STK39: variants seen among roughly 807,000 people sequenced by gnomAD.
The protein encoded by STK39 is STE20/SPS1-related proline-alanine-rich protein kinase.
A neutral mutation model predicts 77.8 loss-of-function variants in STK39; 20 were observed. That is an observed-to-expected ratio of 0.26 (90% CI 0.18 to 0.37). STK39 has a LOEUF of 0.37. Among genes scored for constraint, STK39 ranks in the 10% least tolerant of loss-of-function variants. The pLI is 1.00. For synonymous variants in STK39, 246 were observed against 234.1 expected (o/e 1.05, Z -0.47); for missense variants, 479 against 656.5 (o/e 0.73, Z 2.95).
chr2:168,245,610 C>T (rs764267859), intron 1 of STK39, among the ~76,000 whole-genome samples: 1 of 152,170 alleles, frequency 6.6e-6, no homozygotes, highest in Admixed American at 6.5e-5. Context: ...GAGGGAAGAG[C>T]CTCTGCAAGG....
chr2:167,986,677 A>T (rs889079339), intron 16 of STK39, among the ~76,000 whole-genome samples: 1 of 152,198 alleles, frequency 6.6e-6, no homozygotes, highest in Non-Finnish European at 1.5e-5. Context: ...TAAAAAACAG[A>T]AGGAGACAAA....
chr2:168,237,185 G>C (rs867540640), intron 1 of STK39, among the ~76,000 whole-genome samples: 8 of 152,236 alleles, frequency 5.3e-5, no homozygotes, highest in East Asian at 1.9e-4. Flanking sequence ...GGATTCCTAG[G>C]TATTTTATTC....
At chr2:168,142,315 C>G (rs926651727) in intron 5 of STK39, among the ~76,000 whole-genome samples, 3 of 152,112 alleles carry the variant, frequency 2.0e-5, no homozygotes, top group Non-Finnish European at 1.5e-5. Context: ...TTGAAAGCTA[C>G]TAATTTCAAC....
intron 1 of STK39, among the ~76,000 whole-genome samples, chr2:168,219,711 C>T (rs1690115127): frequency 6.6e-6 from 1 of 152,136 alleles, no homozygotes; most frequent in Non-Finnish European, 1.5e-5. Context: ...TCAGTGTTGT[C>T]TAATGGTCCA....
intron 10 of STK39, among the ~76,000 whole-genome samples, chr2:168,123,420 G>C (rs2105493959): frequency 6.6e-6 from 1 of 152,214 alleles, no homozygotes; most frequent in South Asian, 2.1e-4. Context: ...CTTGTTTTTA[G>C]GAAATATACA....
chr2:168,196,103 G>A (rs981374364), intron 1 of STK39, among the ~76,000 whole-genome samples: 8 of 152,212 alleles, frequency 5.3e-5, no homozygotes, highest in African/African-American at 1.4e-4. Flanking sequence ...CTGATTATGT[G>A]TAATAATTAT....
intron 1 of STK39, among the ~76,000 whole-genome samples, chr2:168,223,335 C>T (rs1196423034): frequency 6.6e-6 from 1 of 151,878 alleles, no homozygotes; most frequent in Non-Finnish European, 1.5e-5. Flanking sequence ...CATGGTGAAA[C>T]CCCGTCTTTA....
At chr2:167,967,697 G>A (rs941366463) in intron 16 of STK39, among the ~76,000 whole-genome samples, 10 of 152,126 alleles carry the variant, frequency 6.6e-5, no homozygotes, top group African/African-American at 1.4e-4. Flanking sequence ...GCAAGGCAGC[G>A]GAGCCGACAC....
chr2:167,984,730 G>T (rs1388891497), intron 16 of STK39, among the ~76,000 whole-genome samples: 2 of 152,162 alleles, frequency 1.3e-5, no homozygotes, highest in Non-Finnish European at 2.9e-5. Flanking sequence ...TAACAGTTGT[G>T]TGATTTGCTG....
At chr2:168,162,371 G>T (rs190746922) in intron 4 of STK39, among the ~76,000 whole-genome samples, 1 of 146,358 alleles carries the variant, frequency 6.8e-6, no homozygotes, top group Admixed American at 6.8e-5. Flanking sequence ...TAGGATTTTA[G>T]AAAGAAATAT....
chr2:168,190,075 A>G (rs114348754), intron 1 of STK39, among the ~76,000 whole-genome samples: 3,946 of 152,234 alleles, frequency 0.026, 108 homozygotes, highest in East Asian at 0.078. Flanking sequence ...CTCTCTACCT[A>G]CTTCATCCTA....
chr2:167,956,352 A>G (rs1459530499), intron 17 of STK39, among the ~76,000 whole-genome samples: 5 of 152,074 alleles, frequency 3.3e-5, no homozygotes, highest in Non-Finnish European at 7.4e-5. Context: ...AGGTCAGGAG[A>G]TCGAGACCAT....
At chr2:168,079,857 T>C (rs1686180637) in intron 10 of STK39, among the ~76,000 whole-genome samples, 1 of 152,232 alleles carries the variant, frequency 6.6e-6, no homozygotes, top group East Asian at 1.9e-4. Flanking sequence ...ATCTTCATAG[T>C]AGCTTGTGAG....
chr2:168,094,360 C>A (rs905489753), intron 10 of STK39, among the ~76,000 whole-genome samples: 2 of 152,108 alleles, frequency 1.3e-5, no homozygotes, highest in African/African-American at 4.8e-5. Context: ...ATATTTTTCT[C>A]CCCCTCCACA....
chr2:168,237,495 G>C (rs1231814999), intron 1 of STK39, among the ~76,000 whole-genome samples: 2 of 152,188 alleles, frequency 1.3e-5, no homozygotes, highest in Non-Finnish European at 2.9e-5. Flanking sequence ...AATAGGAGTG[G>C]TGAGAGAGTG....
intron 16 of STK39, among the ~76,000 whole-genome samples, chr2:168,001,280 A>AC (rs908798731): frequency 1.5e-4 from 23 of 151,930 alleles, no homozygotes; most frequent in African/African-American, 5.6e-4. Flanking sequence ...AAAAAAAAAA[A>AC]AAAAACAACA....
chr2:168,015,662 T>C (rs1000691426), intron 15 of STK39, among the ~76,000 whole-genome samples: 15 of 152,362 alleles, frequency 9.8e-5, no homozygotes, highest in Middle Eastern at 3.4e-3. Context: ...TGATTTTCAT[T>C]GCCATAGTCA....
chr2:168,217,652 A>G (rs188320487), intron 1 of STK39, among the ~76,000 whole-genome samples: 2 of 152,362 alleles, frequency 1.3e-5, no homozygotes, highest in East Asian at 3.9e-4. Context: ...ATCTTCCTGT[A>G]TACTTTAATC....
chr2:168,055,935 A>G (rs1295337848), intron 14 of STK39, among the ~76,000 whole-genome samples: 4 of 152,156 alleles, frequency 2.6e-5, no homozygotes, highest in Non-Finnish European at 5.9e-5. Context: ...ATTTAGGAGG[A>G]TTTCCTTACC....
Sources: allele counts gnomAD v4.1 joint callset (sites outside exome capture counted in the v4.1 genomes callset), GRCh38; gene constraint gnomAD v4.1.1; transcripts MANE v1.5; gene names NCBI Gene and HGNC (gene_info 2026-07-23, HGNC 2026-07-21).